GRID2: variants seen among roughly 807,000 people sequenced by gnomAD.
GRID2 encodes the protein glutamate ionotropic receptor delta type subunit 2, also known as glutamate receptor ionotropic, delta-2.
Under a neutral mutation model 114.8 loss-of-function variants are expected in GRID2, and 33 were observed. The ratio of observed to expected loss-of-function variants is 0.29; its 90% CI spans 0.22 to 0.38. The LOEUF is 0.38. Among genes scored for constraint, GRID2 ranks in the 10% least tolerant of loss-of-function variants. GRID2 has a pLI of 1.00. For missense variants in GRID2, 1,184 were observed against 1,257.7 expected (o/e 0.94, Z 0.89); for synonymous variants, 505 against 449.9 (o/e 1.12, Z -1.55).
At chr4:93,677,448 G>A (rs1184673762) in intron 14 of GRID2, among the ~76,000 whole-genome samples, 4 of 152,170 alleles carry the variant, frequency 2.6e-5, no homozygotes, top group Non-Finnish European at 5.9e-5. Flanking sequence ...GCACGCAGCT[G>A]GAGATCTGAG....
intron 11 of GRID2, among the ~76,000 whole-genome samples, chr4:93,461,933 C>A (rs1723781277): frequency 6.6e-6 from 1 of 152,120 alleles, no homozygotes; most frequent in African/African-American, 2.4e-5. Context: ...CTCCAGAGGA[C>A]TTCAATGACT....
At chr4:92,873,779 A>C (rs1046442313) in intron 2 of GRID2, among the ~76,000 whole-genome samples, 2 of 152,188 alleles carry the variant, frequency 1.3e-5, no homozygotes, top group East Asian at 3.9e-4. Context: ...CAATGGCATG[A>C]TCTCGGCTCA....
chr4:93,350,856 G>A (rs2149260486), intron 8 of GRID2, among the ~76,000 whole-genome samples: 1 of 152,138 alleles, frequency 6.6e-6, no homozygotes, highest in East Asian at 1.9e-4. Flanking sequence ...TGCTAATAAA[G>A]ACATACCCAA....
intron 1 of GRID2, among the ~76,000 whole-genome samples, chr4:92,541,760 G>T (rs933831792): frequency 2.0e-5 from 3 of 151,820 alleles, no homozygotes. Context: ...GGGTGAGAGT[G>T]GGCAATGATC....
chr4:93,763,174 A>AT (rs1488257659), intron 14 of GRID2, among the ~76,000 whole-genome samples: 1 of 152,090 alleles, frequency 6.6e-6, no homozygotes, highest in Non-Finnish European at 1.5e-5. Context: ...TAAATCCCTA[A>AT]TTTCAGGGAT....
chr4:92,613,817 C>T (rs1426411591), intron 2 of GRID2, among the ~76,000 whole-genome samples: 1 of 151,230 alleles, frequency 6.6e-6, no homozygotes, highest in East Asian at 1.9e-4. Flanking sequence ...TGATTTTTCT[C>T]CTTTGTGTTT....
intron 2 of GRID2, among the ~76,000 whole-genome samples, chr4:93,072,922 T>G (rs552900770): frequency 6.6e-6 from 1 of 152,312 alleles, no homozygotes; most frequent in African/African-American, 2.4e-5. Flanking sequence ...AATGTGGCAT[T>G]AAATTATAAC....
chr4:93,555,509 G>A (rs190127708), intron 13 of GRID2, among the ~76,000 whole-genome samples: 22 of 152,284 alleles, frequency 1.4e-4, no homozygotes, highest in African/African-American at 4.3e-4. Context: ...CGAACTGGGC[G>A]GAGCCCACCA....
At chr4:92,650,105 A>C (rs951268262) in intron 2 of GRID2, among the ~76,000 whole-genome samples, 1 of 152,142 alleles carries the variant, frequency 6.6e-6, no homozygotes, top group South Asian at 2.1e-4. Flanking sequence ...ACATTTCATA[A>C]TATAGGAGAG....
At chr4:93,676,305 G>A (rs193048289) in intron 14 of GRID2, among the ~76,000 whole-genome samples, 6 of 152,192 alleles carry the variant, frequency 3.9e-5, no homozygotes, top group Non-Finnish European at 7.4e-5. Flanking sequence ...AAATGGAAAT[G>A]TGAAAAAATT....
At chr4:92,912,502 G>T (rs1190087468) in intron 2 of GRID2, among the ~76,000 whole-genome samples, 2 of 151,540 alleles carry the variant, frequency 1.3e-5, no homozygotes, top group African/African-American at 4.8e-5. Context: ...GAAAAAAAAT[G>T]TTTATCATTT....
chr4:93,509,664 T>G (rs1474707434), intron 12 of GRID2, among the ~76,000 whole-genome samples: 1 of 152,144 alleles, frequency 6.6e-6, no homozygotes, highest in East Asian at 1.9e-4. Flanking sequence ...GTTTTCACAA[T>G]TCATGCTTTT....
At chr4:93,040,178 A>C (rs1355779696) in intron 2 of GRID2, among the ~76,000 whole-genome samples, 1 of 152,056 alleles carries the variant, frequency 6.6e-6, no homozygotes, top group Non-Finnish European at 1.5e-5. Flanking sequence ...AATTTCATTT[A>C]CTTTAATATA....
At chr4:93,399,110 C>T (rs1765640292) in intron 9 of GRID2, among the ~76,000 whole-genome samples, 1 of 151,994 alleles carries the variant, frequency 6.6e-6, no homozygotes, top group Non-Finnish European at 1.5e-5. Context: ...GATGTTGTCA[C>T]CTAAACGCAA....
chr4:93,224,797 A>T (rs760480753), intron 7 of GRID2, 22 bp downstream of exon 7: 1 of 1,538,194 alleles, frequency 6.5e-7, no homozygotes, highest in South Asian at 1.1e-5. Context: ...ATTTTCATGT[A>T]AAAAGGATAT....
At chr4:93,116,009 T>C (rs926856393) in intron 4 of GRID2, among the ~76,000 whole-genome samples, 1 of 152,190 alleles carries the variant, frequency 6.6e-6, no homozygotes, top group African/African-American at 2.4e-5. Context: ...TACTGGTTGA[T>C]TTATTAGTTT....
intron 14 of GRID2, among the ~76,000 whole-genome samples, chr4:93,678,448 G>C (rs548784954): frequency 6.6e-6 from 1 of 151,104 alleles, no homozygotes; most frequent in Non-Finnish European, 1.5e-5. Flanking sequence ...TACTCCTCGA[G>C]AAGAGCAACT....
intron 8 of GRID2, among the ~76,000 whole-genome samples, chr4:93,348,352 C>A (rs1475806127): frequency 1.3e-5 from 2 of 152,068 alleles, no homozygotes; most frequent in Non-Finnish European, 2.9e-5. Flanking sequence ...TATATTTGAA[C>A]CCAAGCTGAA....
chr4:92,599,727 TA>T (rs1729111042), intron 2 of GRID2, among the ~76,000 whole-genome samples: 1 of 151,866 alleles, frequency 6.6e-6, no homozygotes, highest in Non-Finnish European at 1.5e-5. Flanking sequence ...CTACTATATA[TA>T]AAAAATATAT....
Sources: gnomAD v4.1 joint callset for allele counts (sites outside exome capture counted in the v4.1 genomes callset) on GRCh38, gnomAD v4.1.1 for gene constraint, MANE v1.5 for transcripts, NCBI Gene and HGNC (gene_info 2026-07-23, HGNC 2026-07-21) for gene names.